Variants in CDH12 observed in about 807,000 individuals in gnomAD.
The protein encoded by CDH12 is cadherin-12.
A neutral mutation model predicts 74.1 loss-of-function variants in CDH12; 41 were observed. The ratio of observed to expected loss-of-function variants is 0.55; its 90% confidence interval spans 0.43 to 0.72. CDH12 has a LOEUF of 0.72. CDH12 is among the 30% of genes least tolerant of loss of function. The pLI, the probability that CDH12 is intolerant of heterozygous loss-of-function variation, is 0.00. For synonymous variants in CDH12, 399 were observed against 355.0 expected, an observed-to-expected ratio of 1.12 and a Z score of -1.39; for missense variants, 945 against 977.2, an observed-to-expected ratio of 0.97 and a Z score of 0.44.
chr5:22,282,321 G>C (rs1041578963), intron 3 of CDH12, among the ~76,000 whole-genome samples: 5 of 152,050 alleles, frequency 3.3e-5, no homozygotes, highest in African/African-American at 1.2e-4. Context: ...TACCATTCAG[G>C]ATATAGACAT....
chr5:22,719,222 C>T (rs1743748904), intron 1 of CDH12, among the ~76,000 whole-genome samples: 1 of 152,124 alleles, frequency 6.6e-6, no homozygotes. Context: ...TATTTATAAA[C>T]TTATGCTAAG....
intron 5 of CDH12, among the ~76,000 whole-genome samples, chr5:22,004,381 AT>A (rs1236607771): frequency 6.6e-6 from 1 of 152,168 alleles, no homozygotes; most frequent in Non-Finnish European, 1.5e-5. Context: ...GAAGGTTCAT[AT>A]TTCACTCAGT....
At chr5:22,226,105 T>G (rs1202303397) in intron 3 of CDH12, among the ~76,000 whole-genome samples, 2 of 151,804 alleles carry the variant, frequency 1.3e-5, no homozygotes, top group Non-Finnish European at 1.5e-5. Context: ...TATGTAGAAG[T>G]TCAAGAGTTT....
chr5:22,408,542 A>C (rs1322272903), intron 2 of CDH12, among the ~76,000 whole-genome samples: 2 of 151,348 alleles, frequency 1.3e-5, no homozygotes, highest in African/African-American at 4.8e-5. Flanking sequence ...TGAAGAATTC[A>C]AAATGGATAT....
intron 2 of CDH12, among the ~76,000 whole-genome samples, chr5:22,494,634 GT>G (rs1747027113): frequency 6.6e-6 from 1 of 152,118 alleles, no homozygotes; most frequent in Admixed American, 6.5e-5. Context: ...GGTAAAACTG[GT>G]TTCATTAGAT....
chr5:22,232,950 G>A (rs190503065), intron 3 of CDH12, among the ~76,000 whole-genome samples: 392 of 148,976 alleles, frequency 2.6e-3, no homozygotes, highest in African/African-American at 9.0e-3. Flanking sequence ...GTAGAGAATC[G>A]AATAACCATA....
intron 2 of CDH12, among the ~76,000 whole-genome samples, chr5:22,467,086 G>T (rs1046399525): frequency 3.1e-4 from 47 of 151,912 alleles, no homozygotes; most frequent in Admixed American, 7.9e-4. Context: ...TGCCCGGCCT[G>T]CTCCCTGGGA....
At chr5:22,322,014 T>C (rs1438485293) in intron 3 of CDH12, among the ~76,000 whole-genome samples, 3 of 152,194 alleles carry the variant, frequency 2.0e-5, no homozygotes, top group Non-Finnish European at 4.4e-5. Context: ...CGTTATCTAT[T>C]TCATAAATAG....
intron 6 of CDH12, among the ~76,000 whole-genome samples, chr5:21,881,900 T>G (rs1752373932): frequency 6.6e-6 from 1 of 152,198 alleles, no homozygotes; most frequent in African/African-American, 2.4e-5. Flanking sequence ...ACCATTGTAA[T>G]TCACATGTTG....
chr5:22,029,047 C>T (rs1738606525), intron 5 of CDH12, among the ~76,000 whole-genome samples: 1 of 152,154 alleles, frequency 6.6e-6, no homozygotes, highest in African/African-American at 2.4e-5. Flanking sequence ...GCTGGGAAAA[C>T]CAGCTAGCCA....
rs542441467 is a variant in CDH12 at position 22,234,675 on chromosome 5, T to C, written c.-332-22032A>G. Among the ~76,000 whole-genome samples the C allele has an allele frequency of 2.6e-5, 4 of 152,076 alleles. No individual in the cohort carries two copies. The East Asian group carries it at 5.8e-4, about 22-fold the overall frequency. On this transcript the variant is annotated intron_variant, in intron 3 of 14. Coordinates refer to ENST00000382254, the MANE Select transcript of CDH12 (RefSeq NM_004061.5). ...TCTATTTTCTATGTATATATCTTTA[T>C]ATGTGAATGTGCATATATATATTTA...
chr5:21,857,658 C>T (rs989570367), intron 6 of CDH12, among the ~76,000 whole-genome samples: 2 of 151,934 alleles, frequency 1.3e-5, no homozygotes, highest in Middle Eastern at 3.4e-3. Flanking sequence ...GACGAAGAGG[C>T]ATCAGGAGAT....
At chr5:22,383,217 T>A (rs1741847317) in intron 3 of CDH12, among the ~76,000 whole-genome samples, 1 of 152,120 alleles carries the variant, frequency 6.6e-6, no homozygotes, top group African/African-American at 2.4e-5. Flanking sequence ...AGAGTTCCTC[T>A]CAGAGGACCA....
intron 4 of CDH12, among the ~76,000 whole-genome samples, chr5:22,163,969 C>G (rs1466239045): frequency 6.6e-6 from 1 of 152,162 alleles, no homozygotes; most frequent in African/African-American, 2.4e-5. Context: ...CATATAGTTA[C>G]ATAATTCACA....
intron 2 of CDH12, among the ~76,000 whole-genome samples, chr5:22,468,933 T>C (rs974911443): frequency 3.9e-5 from 6 of 152,190 alleles, no homozygotes; most frequent in South Asian, 2.1e-4. Context: ...TTTCACACAA[T>C]TGAATATTTT....
At chr5:22,184,394 C>T (rs928311444) in intron 4 of CDH12, among the ~76,000 whole-genome samples, 13 of 151,978 alleles carry the variant, frequency 8.6e-5, no homozygotes, top group African/African-American at 3.1e-4. Flanking sequence ...CATTTTTTCC[C>T]CTGAGGCAAA....
At chr5:22,826,331 A>G (rs1178363673) in intron 1 of CDH12, among the ~76,000 whole-genome samples, 2 of 152,122 alleles carry the variant, frequency 1.3e-5, no homozygotes, top group African/African-American at 4.8e-5. Context: ...GCCACGTGGA[A>G]ATGTGACTTC....
chr5:21,803,123 A>C (rs139287223), intron 9 of CDH12, among the ~76,000 whole-genome samples: 143 of 152,306 alleles, frequency 9.4e-4, no homozygotes, highest in African/African-American at 3.3e-3. Context: ...AAAATGAATA[A>C]AAATGAAATA....
At chr5:22,334,064 G>T (rs534645339) in intron 3 of CDH12, among the ~76,000 whole-genome samples, 6 of 152,106 alleles carry the variant, frequency 3.9e-5, no homozygotes, top group Non-Finnish European at 5.9e-5. Flanking sequence ...CTTAGATCCG[G>T]AACATGACAA....
Sources: allele counts gnomAD v4.1 joint callset (sites outside exome capture counted in the v4.1 genomes callset), GRCh38; gene constraint gnomAD v4.1.1; transcripts MANE v1.5; gene names NCBI Gene and HGNC (gene_info 2026-07-23, HGNC 2026-07-21).